The following ZNF385C variants were observed in gnomAD, a reference collection of about 807,000 sequenced individuals.
ZNF385C encodes CTD-2132N18.2.
In ZNF385C, 28 loss-of-function variants were observed where a neutral mutation model predicts 35.4. That is an observed-to-expected ratio of 0.79 (90% CI 0.59 to 1.08). The LOEUF (loss-of-function observed/expected upper bound fraction) is 1.08, where lower values mean the gene tolerates loss of function less well. Ranked by LOEUF, ZNF385C falls within the 50% of genes least tolerant of loss-of-function variation. ZNF385C has a pLI of 0.00. For synonymous variants in ZNF385C, 248 were observed against 248.2 expected (o/e 1.00, Z 0.01); for missense variants, 605 against 595.6 (o/e 1.02, Z -0.16).
At position 42,093,349 on chromosome 17, in the gene ZNF385C, C is replaced by T. The variant is rs545827246; in HGVS notation, c.-3+5061G>A. On this transcript the variant is annotated intron_variant, in intron 1 of 8. Coordinates refer to ENST00000692273, the MANE Select transcript of ZNF385C (RefSeq NM_001392013.1). ...CTGAGGGAGACTCCAAGTCCCAACA[C>T]CCTTCCCTCAGTTCAAGGTCAATCA... Among the ~76,000 whole-genome samples, 259 of 152,296 alleles carry T rather than the reference C, an allele frequency of 1.7e-3. 1 individual carries two copies. The highest frequency in any genetic ancestry group is 6.1e-3 in the African/African-American group (254 of 41,562).
chr17:42,081,702 G>A (rs1239858837), intron 1 of ZNF385C, among the ~76,000 whole-genome samples: 1 of 151,942 alleles, frequency 6.6e-6, no homozygotes, highest in Non-Finnish European at 1.5e-5. Flanking sequence ...GATAGGCTTG[G>A]TCTGGGTGCA....
At chr17:42,079,287 C>A (rs1271180337) in intron 1 of ZNF385C, among the ~76,000 whole-genome samples, 2 of 147,082 alleles carry the variant, frequency 1.4e-5, no homozygotes, top group African/African-American at 5.0e-5. Context: ...ACCTGTAATC[C>A]CAACTACTGG....
At chr17:42,064,700 GA>G (rs1191189915) in intron 1 of ZNF385C, among the ~76,000 whole-genome samples, 3 of 152,066 alleles carry the variant, frequency 2.0e-5, no homozygotes. Context: ...AAGTAGCTGG[GA>G]CTACAGGTGT....
chr17:42,046,926 G>C lies in ZNF385C; in HGVS notation c.251-9041C>G, dbSNP rs1313471756. On this transcript the variant is annotated intron_variant, in intron 2 of 8. Coordinates refer to ENST00000692273, the MANE Select transcript of ZNF385C (RefSeq NM_001392013.1). ...CACCCAGGCTAGAGTGCAGTGGTGC[G>C]ATCTCAGCTCACTGCAATCTCCACC... 3.3e-5 allele frequency among the ~76,000 whole-genome samples: 5 copies of C among 149,854 alleles called. No homozygotes were observed. The South Asian group carries it at 1.1e-3, about 32-fold the overall frequency.
chr17:42,027,800 C>A (rs2052627741), intron 7 of ZNF385C, 72 bp from the exon 8 acceptor site: 12 of 1,469,736 alleles, frequency 8.2e-6, no homozygotes, highest in East Asian at 2.3e-5. Context: ...ATCCTCGACT[C>A]TTCCCCTTCC....
chr17:42,029,868 T>A (rs907928078), intron 5 of ZNF385C, among the ~76,000 whole-genome samples: 7 of 150,234 alleles, frequency 4.7e-5, no homozygotes, highest in African/African-American at 1.7e-4. Flanking sequence ...ACACCATCTG[T>A]ACTAAAAATA....
chr17:42,091,704 A>G (rs2053864512), intron 1 of ZNF385C, among the ~76,000 whole-genome samples: 1 of 152,188 alleles, frequency 6.6e-6, no homozygotes, highest in Non-Finnish European at 1.5e-5. Context: ...GTCTCAACCT[A>G]GGGAGAGTCT....
chr17:42,038,049 G>T, intron 2 of ZNF385C, 164 bp from the exon 3 acceptor site: 1 of 1,535,586 alleles, frequency 6.5e-7, no homozygotes. Flanking sequence ...CCCCTTCTCT[G>T]TGCCCTTCCT....
chr17:42,060,258 GA>G (rs1436680269), intron 2 of ZNF385C, among the ~76,000 whole-genome samples: 5 of 152,154 alleles, frequency 3.3e-5, no homozygotes, highest in African/African-American at 1.2e-4. Flanking sequence ...TTCTGCTAAA[GA>G]AAAGGCTCCA....
intron 1 of ZNF385C, among the ~76,000 whole-genome samples, chr17:42,080,225 A>G (rs2053734030): frequency 6.6e-6 from 1 of 152,188 alleles, no homozygotes; most frequent in Non-Finnish European, 1.5e-5. Context: ...ATGGAAGGGA[A>G]GGGAAAGCCT....
chr17:42,069,170 A>C (rs2053589214), intron 1 of ZNF385C, among the ~76,000 whole-genome samples: 1 of 149,800 alleles, frequency 6.7e-6, no homozygotes, highest in Non-Finnish European at 1.5e-5. Context: ...GGAGGGAGCC[A>C]CCCACTTGGA....
At chr17:42,039,935 G>C (rs1164589196) in intron 2 of ZNF385C, 1 of 1,231,136 alleles carries the variant, frequency 8.1e-7, no homozygotes, top group East Asian at 3.2e-5. Context: ...AAGGCGGCTA[G>C]GGCGGCGAAG....
chr17:42,027,771 C>A, intron 7 of ZNF385C, 43 bp from the exon 8 acceptor site: 1 of 1,581,900 alleles, frequency 6.3e-7, no homozygotes. Context: ...TGACAAAGCC[C>A]AAGGACCCCA....
At chr17:42,054,811 A>G (rs1413434554) in intron 2 of ZNF385C, among the ~76,000 whole-genome samples, 1 of 151,916 alleles carries the variant, frequency 6.6e-6, no homozygotes, top group Non-Finnish European at 1.5e-5. Flanking sequence ...CGAACTCCTG[A>G]CCTCAAATGA....
intron 4 of ZNF385C, among the ~76,000 whole-genome samples, chr17:42,032,487 G>A (rs1555655082): frequency 6.6e-6 from 1 of 152,202 alleles, no homozygotes; most frequent in Admixed American, 6.5e-5. Context: ...CAAGGGCCGA[G>A]TACATAGAGT....
intron 2 of ZNF385C, chr17:42,040,225 T>G (rs2052982030): frequency 1.6e-6 from 2 of 1,231,452 alleles, no homozygotes. Flanking sequence ...GTAGGAGTCC[T>G]GTAGGCCCTT....
intron 1 of ZNF385C, among the ~76,000 whole-genome samples, chr17:42,083,291 C>T (rs984886604): frequency 6.6e-6 from 1 of 151,504 alleles, no homozygotes; most frequent in Non-Finnish European, 1.5e-5. Flanking sequence ...CAAGCTCTGC[C>T]CCCCGGGTTC....
At chr17:42,063,791 G>A (rs1462186114) in intron 1 of ZNF385C, among the ~76,000 whole-genome samples, 1 of 152,164 alleles carries the variant, frequency 6.6e-6, no homozygotes, top group Non-Finnish European at 1.5e-5. Context: ...GCAATCCTGT[G>A]ACAGCCAGGC....
intron 2 of ZNF385C, among the ~76,000 whole-genome samples, chr17:42,060,264 G>C (rs1016657637): frequency 6.6e-6 from 1 of 152,074 alleles, no homozygotes; most frequent in Non-Finnish European, 1.5e-5. Context: ...TAAAGAAAAG[G>C]CTCCAGAATC....
Sources: allele counts gnomAD v4.1 joint callset (sites outside exome capture counted in the v4.1 genomes callset), GRCh38; gene constraint gnomAD v4.1.1; transcripts MANE v1.5; gene names NCBI Gene and HGNC (gene_info 2026-07-23, HGNC 2026-07-21).